KCTD20: variants seen among roughly 807,000 people sequenced by gnomAD.
KCTD20 encodes the protein potassium channel tetramerization domain containing 20.
A neutral mutation model predicts 39.6 loss-of-function variants in KCTD20; 30 were observed. That is an observed-to-expected ratio of 0.76 (90% CI 0.57 to 1.03). The LOEUF is 1.03. Ranked by LOEUF, KCTD20 falls within the 50% of genes least tolerant of loss-of-function variation. KCTD20 has a pLI of 0.00. For missense variants in KCTD20, 422 were observed against 522.0 expected, an observed-to-expected ratio of 0.81 and a Z score of 1.87; for synonymous variants, 162 against 180.6, an observed-to-expected ratio of 0.90 and a Z score of 0.83.
At chr6:36,476,308 GAATT>G (rs1026951426) in intron 3 of KCTD20, among the ~76,000 whole-genome samples, 5 of 151,920 alleles carry the variant, frequency 3.3e-5, no homozygotes, top group Admixed American at 6.6e-5. Flanking sequence ...TCAGGACTTT[GAATT>G]AATTAAACTG....
At chr6:36,483,180 C>T (rs899959360) in intron 6 of KCTD20, among the ~76,000 whole-genome samples, 1 of 150,374 alleles carries the variant, frequency 6.7e-6, no homozygotes, top group Non-Finnish European at 1.5e-5. Flanking sequence ...AATTATCCTC[C>T]ATAAAATTTG....
chr6:36,444,450 T>C (rs1183874555), intron 1 of KCTD20, among the ~76,000 whole-genome samples: 1 of 152,248 alleles, frequency 6.6e-6, no homozygotes, highest in Admixed American at 6.5e-5. Context: ...TCTGATGGTT[T>C]AGAGATAGCC....
intron 1 of KCTD20, among the ~76,000 whole-genome samples, chr6:36,455,703 G>GT (rs1490376845): frequency 6.6e-6 from 1 of 152,108 alleles, no homozygotes; most frequent in Non-Finnish European, 1.5e-5. Flanking sequence ...TCTGAAACCC[G>GT]TAAGACAGGT....
At chr6:36,457,211 T>C (rs960415466) in intron 1 of KCTD20, among the ~76,000 whole-genome samples, 3 of 152,200 alleles carry the variant, frequency 2.0e-5, no homozygotes, top group African/African-American at 7.2e-5. Context: ...AGGGATTGCA[T>C]GTGAGCCATT....
In KCTD20 at chr6:36,481,642, A is replaced by G. The variant is rs1280891414; in HGVS notation, c.739A>G (p.Met247Val). Residue 247 changes from methionine to valine, a missense_variant, in exon 6 of 8, where the codon ATG becomes GTG. Met to Val is a conservative substitution (Grantham distance 21, BLOSUM62 1). Coordinates refer to ENST00000373731, the MANE Select transcript of KCTD20 (RefSeq NM_173562.5). Reference sequence around the variant, plus strand: ...CCTCGAAGAGCTCATCTTGCCCATCATGGTGGGCTGTGCCAAGAAAGGAGA... The same window carrying G: ...CCTCGAAGAGCTCATCTTGCCCATCGTGGTGGGCTGTGCCAAGAAAGGAGA... ...HYLEELILPI[M>V]VGCAKKGERE... is the part of the protein sequence containing the mutation. 1.9e-6 allele frequency: 3 copies of G among 1,614,244 alleles called. No homozygotes were observed. The highest frequency in any genetic ancestry group is 2.7e-5 in the African/African-American group (2 of 75,072).
Position 36,487,196 on chromosome 6 carries a change from CTTG to C in KCTD20, c.*25_*27del. On this transcript the variant is annotated 3_prime_UTR_variant, in exon 8 of 8. Coordinates refer to ENST00000373731, the MANE Select transcript of KCTD20 (RefSeq NM_173562.5). ...ATTAGGGCCAGCTGTGGGTCTACTC[CTTG>C]TTGGAGCCCATCTCACCTGGGATGC... 1.3e-6 allele frequency: 2 copies of C among 1,594,644 alleles called. No homozygotes were observed. Among genetic ancestry groups the C allele is most frequent in the East Asian group, 4.5e-5 (2 of 44,700 alleles).
At chr6:36,461,804 A>G (rs956923616) in intron 1 of KCTD20, among the ~76,000 whole-genome samples, 1 of 152,156 alleles carries the variant, frequency 6.6e-6, no homozygotes, top group Non-Finnish European at 1.5e-5. Flanking sequence ...TATCCAAGCA[A>G]TTCTAATCTT....
chr6:36,486,514 A>C (rs1256332507), intron 7 of KCTD20, among the ~76,000 whole-genome samples: 3 of 152,142 alleles, frequency 2.0e-5, no homozygotes, highest in African/African-American at 7.2e-5. Context: ...TATGCCCTCT[A>C]AGCAATAGAA....
chr6:36,451,833 A>G (rs985255175), intron 1 of KCTD20, among the ~76,000 whole-genome samples: 1 of 151,964 alleles, frequency 6.6e-6, no homozygotes, highest in Non-Finnish European at 1.5e-5. Context: ...ATTTATTTAG[A>G]GACAGAGTCT....
chr6:36,484,927 A>G (rs1582377817), intron 7 of KCTD20, 103 bp downstream of exon 7: 1 of 629,682 alleles, frequency 1.6e-6, no homozygotes, highest in Admixed American at 2.7e-5. Context: ...ATAGGCATAC[A>G]TGAAAACCAC....
chr6:36,470,431 A>G (rs1775877928), intron 2 of KCTD20, among the ~76,000 whole-genome samples, 174 bp downstream of exon 2: 1 of 152,216 alleles, frequency 6.6e-6, no homozygotes, highest in Non-Finnish European at 1.5e-5. Flanking sequence ...TTATTTAATC[A>G]GTCTAGCACA....
At chr6:36,456,425 C>T (rs1775435857) in intron 1 of KCTD20, among the ~76,000 whole-genome samples, 1 of 152,044 alleles carries the variant, frequency 6.6e-6, no homozygotes, top group East Asian at 1.9e-4. Context: ...ATTACAGGCG[C>T]CCGTCACCAC....
At chr6:36,458,186 G>A (rs939625623) in intron 1 of KCTD20, among the ~76,000 whole-genome samples, 2 of 152,086 alleles carry the variant, frequency 1.3e-5, no homozygotes, top group African/African-American at 4.8e-5. Context: ...CTGAGTAGCT[G>A]GGACCACAGG....
rs190803915 is a variant in KCTD20 at position 36,479,307 on chromosome 6, T to C, written c.537+84T>C. On this transcript the variant is annotated intron_variant, in intron 4 of 7. Coordinates refer to ENST00000373731, the MANE Select transcript of KCTD20 (RefSeq NM_173562.5). ...CTTGAGAGTTCCATCAACTATGTTATTGACTTTAGGGTCTCTGGTTTCCAG... is the reference window on the plus strand; with the variant it reads ...CTTGAGAGTTCCATCAACTATGTTACTGACTTTAGGGTCTCTGGTTTCCAG... 1.5e-4 allele frequency: 157 copies of C among 1,014,318 alleles called. 1 individual carries two copies. The Admixed American group carries it at 1.7e-3, about 11-fold the overall frequency. The allele number at this position is 1,014,318 out of a possible 1,614,324, so 62.8% of individuals were successfully genotyped here.
chr6:36,447,502 C>T (rs1471635856), intron 1 of KCTD20, among the ~76,000 whole-genome samples: 2 of 151,818 alleles, frequency 1.3e-5, no homozygotes, highest in Admixed American at 6.6e-5. Context: ...TGTTGGCATG[C>T]GACTGTAAGC....
intron 1 of KCTD20, among the ~76,000 whole-genome samples, chr6:36,448,767 C>T (rs1353085396): frequency 6.6e-6 from 1 of 152,176 alleles, no homozygotes; most frequent in Admixed American, 6.5e-5. Context: ...AATGAAGCCG[C>T]GGAGCCTCGC....
intron 5 of KCTD20, among the ~76,000 whole-genome samples, chr6:36,480,137 G>GA (rs1057239406): frequency 1.2e-4 from 18 of 152,128 alleles, no homozygotes; most frequent in Admixed American, 6.5e-5. Context: ...AGTTTAGGTT[G>GA]AAAATCTTCT....
chr6:36,450,054 C>T (rs930829517), intron 1 of KCTD20, among the ~76,000 whole-genome samples: 6 of 149,712 alleles, frequency 4.0e-5, no homozygotes, highest in Non-Finnish European at 7.4e-5. Flanking sequence ...GTCCCAGCTA[C>T]TTGGGAGGCT....
chr6:36,456,050 T>G (rs1290266106), intron 1 of KCTD20, among the ~76,000 whole-genome samples: 4 of 152,236 alleles, frequency 2.6e-5, no homozygotes, highest in Non-Finnish European at 5.9e-5. Flanking sequence ...TCTGATGCCT[T>G]CAAACAGATG....
Sources: gnomAD v4.1 joint callset for allele counts (sites outside exome capture counted in the v4.1 genomes callset) on GRCh38, gnomAD v4.1.1 for gene constraint, MANE v1.5 for transcripts, NCBI Gene and HGNC (gene_info 2026-07-23, HGNC 2026-07-21) for gene names.